Variants in VAV2 observed in about 807,000 individuals in gnomAD.
VAV2 encodes vav guanine nucleotide exchange factor 2.
A neutral mutation model predicts 132.5 loss-of-function variants in VAV2; 67 were observed. That is an observed-to-expected ratio of 0.51 (90% CI 0.42 to 0.62). VAV2 has a LOEUF of 0.62. Among genes scored for constraint, VAV2 ranks in the 20% least tolerant of loss-of-function variants. The probability of loss-of-function intolerance (pLI) is 0.00; values close to 1 mark genes in which losing one functional copy is unlikely to be tolerated. For synonymous variants in VAV2, 492 were observed against 443.5 expected, an observed-to-expected ratio of 1.11 and a Z score of -1.37; for missense variants, 938 against 1,153.6, an observed-to-expected ratio of 0.81 and a Z score of 2.71.
chr9:133,866,501 G>A (rs552615955), intron 2 of VAV2, among the ~76,000 whole-genome samples: 53 of 152,198 alleles, frequency 3.5e-4, no homozygotes, highest in African/African-American at 1.1e-3. Flanking sequence ...ACTGCGCTGC[G>A]ATGATTTTAA....
intron 7 of VAV2, among the ~76,000 whole-genome samples, chr9:133,808,051 G>A (rs912600936): frequency 2.6e-5 from 3 of 115,590 alleles, no homozygotes; most frequent in Non-Finnish European, 6.2e-5. Flanking sequence ...CCCGGGTGGC[G>A]GCCCCAGGCT....
intron 2 of VAV2, among the ~76,000 whole-genome samples, chr9:133,913,945 C>T (rs1839968753): frequency 6.6e-6 from 1 of 152,224 alleles, no homozygotes; most frequent in South Asian, 2.1e-4. Flanking sequence ...GACTCTGCCT[C>T]CCACCTCCCT....
chr9:133,897,010 T>A (rs4436183), intron 2 of VAV2, among the ~76,000 whole-genome samples: 2 of 151,612 alleles, frequency 1.3e-5, no homozygotes, highest in Non-Finnish European at 2.9e-5. Flanking sequence ...AGGAGAATGG[T>A]GTGAACCCGG....
chr9:133,788,269 CCTTCCCCT>C lies in VAV2; in HGVS notation c.1407+77_1407+84del. 6.5e-7 allele frequency: 1 copy of C among 1,527,212 alleles called. No homozygotes were observed. Among genetic ancestry groups the C allele is most frequent in the East Asian group, 2.3e-5 (1 of 42,576 alleles). The allele number at this position is 1,527,212 out of a possible 1,614,324, so 94.6% of individuals were successfully genotyped here. A position where few individuals can be genotyped will look rare whatever the true frequency, so the allele number is the denominator to read the frequency against. On this transcript the variant is annotated intron_variant, in intron 15 of 29. Transcript: ENST00000371850. This position sits in a 1 kb window ranked among gnomAD's most constrained non-coding sequence, Gnocchi z 5.3. The stretch of plus-strand genomic sequence containing the variant: ...AGCATCAGCGGCTGACTTCGAGTCC[CCTTCCCCT>C]GGGGTCTGGAACCCAGTGCCTCTCT...
intron 2 of VAV2, among the ~76,000 whole-genome samples, chr9:133,896,844 T>C (rs867962366): frequency 5.4e-4 from 82 of 152,158 alleles, no homozygotes; most frequent in African/African-American, 1.7e-3. Context: ...CCTGTAATCC[T>C]AGCACTTTGG....
intron 3 of VAV2, among the ~76,000 whole-genome samples, chr9:133,843,605 C>T (rs538700322): frequency 6.6e-6 from 1 of 152,264 alleles, no homozygotes; most frequent in South Asian, 2.1e-4. Context: ...GGCCTCAGCT[C>T]ACTCACTGTA....
chr9:133,842,745 G>A (rs1836774750), intron 3 of VAV2, among the ~76,000 whole-genome samples: 1 of 152,200 alleles, frequency 6.6e-6, no homozygotes, highest in African/African-American at 2.4e-5. Context: ...CACCCAGGCG[G>A]AGGCCATAGT....
intron 2 of VAV2, among the ~76,000 whole-genome samples, chr9:133,900,592 C>A (rs952555650): frequency 1.3e-5 from 2 of 151,566 alleles, no homozygotes; most frequent in African/African-American, 4.8e-5. Context: ...GGAAGGGGCG[C>A]GGCTCAGAGA....
chr9:133,936,705 G>A (rs1352578360), intron 2 of VAV2, among the ~76,000 whole-genome samples: 1 of 152,164 alleles, frequency 6.6e-6, no homozygotes, highest in Admixed American at 6.5e-5. Flanking sequence ...AGTCTCCTCA[G>A]CTCAGCCCGG....
intron 1 of VAV2, among the ~76,000 whole-genome samples, chr9:133,976,053 A>G (rs200851914): frequency 1.0e-5 from 1 of 96,740 alleles, no homozygotes; most frequent in African/African-American, 2.8e-5. Context: ...AAGAAAATAC[A>G]AAAATTAGCC....
intron 8 of VAV2, 120 bp from the exon 9 acceptor site, chr9:133,806,301 C>G (rs1212083824): frequency 2.3e-6 from 2 of 869,682 alleles, no homozygotes; most frequent in Non-Finnish European, 3.6e-6. Flanking sequence ...GGCCCGGGTG[C>G]TGGGCCTGCA....
At chr9:133,910,886 C>T (rs979821680) in intron 2 of VAV2, among the ~76,000 whole-genome samples, 2 of 151,644 alleles carry the variant, frequency 1.3e-5, no homozygotes, top group Admixed American at 6.6e-5. Flanking sequence ...GAGTTGTCTG[C>T]ACTGGTACAG....
At chr9:133,910,772 C>T (rs111512448) in intron 2 of VAV2, among the ~76,000 whole-genome samples, 6,948 of 144,762 alleles carry the variant, frequency 0.048, 513 homozygotes, top group African/African-American at 0.16. Context: ...TGCAGTGAGC[C>T]GAGATTGCAC....
At position 133,775,054 on chromosome 9, in the gene VAV2, A is replaced by AC. The variant is rs1215722793; in HGVS notation, c.2019-4dup. Reference sequence around the variant, plus strand: ...GCCTCTCCATGTTACCTGCAAACCTACAGGAGGGGGCCGGGAGGAAACGAG... The same window carrying AC: ...GCCTCTCCATGTTACCTGCAAACCTACCAGGAGGGGGCCGGGAGGAAACGAG... On this transcript the variant is annotated splice_polypyrimidine_tract_variant and splice_region_variant and intron_variant, in intron 24 of 29. Coordinates refer to ENST00000371850, the MANE Select transcript of VAV2 (RefSeq NM_001134398.2). 6.2e-7 allele frequency: 1 copy of AC among 1,603,150 alleles called. No homozygotes were observed. The highest frequency in any genetic ancestry group is 8.5e-7 in the Non-Finnish European group (1 of 1,175,080).
At chr9:133,930,283 A>AC (rs1293661532) in intron 2 of VAV2, among the ~76,000 whole-genome samples, 1 of 122,106 alleles carries the variant, frequency 8.2e-6, no homozygotes, top group Non-Finnish European at 1.7e-5. Context: ...CCCTGCCTCC[A>AC]CCCTGCCTCC....
intron 1 of VAV2, among the ~76,000 whole-genome samples, chr9:133,989,972 C>T (rs1385204846): frequency 6.6e-5 from 10 of 152,246 alleles, no homozygotes; most frequent in Admixed American, 6.5e-4. Flanking sequence ...GTCCAGGTGA[C>T]GGTCATTTCC....
At chr9:133,953,227 C>T (rs1177169392) in intron 1 of VAV2, among the ~76,000 whole-genome samples, 1 of 152,236 alleles carries the variant, frequency 6.6e-6, no homozygotes, top group South Asian at 2.1e-4. Flanking sequence ...TGCTGGAAGG[C>T]GCTGGCCTGT....
chr9:133,796,697 G>GT (rs946012254), intron 10 of VAV2, among the ~76,000 whole-genome samples, 173 bp from the exon 11 acceptor site: 4 of 152,110 alleles, frequency 2.6e-5, no homozygotes, highest in African/African-American at 7.2e-5. Flanking sequence ...GTGTGCAGAG[G>GT]GGGGGGCTTC....
chr9:133,870,916 ATGGATGGATGGATGAG>A (rs1838005880), intron 2 of VAV2, among the ~76,000 whole-genome samples: 1 of 96,964 alleles, frequency 1.0e-5, no homozygotes, highest in Non-Finnish European at 1.9e-5. Flanking sequence ...GGGTGGGTGG[ATGGATGGATGGATGAG>A]TGGATGGATG....
Sources: allele counts gnomAD v4.1 joint callset (sites outside exome capture counted in the v4.1 genomes callset), GRCh38; gene constraint gnomAD v4.1.1; non-coding constraint Gnocchi (gnomAD v3.1); transcripts MANE v1.5; gene names NCBI Gene and HGNC (gene_info 2026-07-23, HGNC 2026-07-21).